ZNF496: variants seen among roughly 807,000 people sequenced by gnomAD.
The protein encoded by ZNF496 is NSD1 (nuclear receptor binding SET-domain containing 1)-interacting zinc finger protein 1.
In ZNF496, 11 loss-of-function variants were observed where a neutral mutation model predicts 58.9. The ratio of observed to expected loss-of-function variants is 0.19; its 90% CI spans 0.12 to 0.31. The LOEUF (loss-of-function observed/expected upper bound fraction) is 0.31, where lower values mean the gene tolerates loss of function less well. Among genes scored for constraint, ZNF496 ranks in the 10% least tolerant of loss-of-function variants. The pLI is 1.00. For missense variants in ZNF496, 660 were observed against 783.0 expected, an observed-to-expected ratio of 0.84 and a Z score of 1.88; for synonymous variants, 338 against 318.2, an observed-to-expected ratio of 1.06 and a Z score of -0.66.
At chr1:247,305,918 A>C (rs761161885) in intron 9 of ZNF496, among the ~76,000 whole-genome samples, 1 of 152,212 alleles carries the variant, frequency 6.6e-6, no homozygotes, top group Non-Finnish European at 1.5e-5. Context: ...CATCTTTAAA[A>C]AACAAAACAA....
Position 247,308,708 on chromosome 1 carries a change from G to A in ZNF496, c.893-120C>T. Reference sequence around the variant, plus strand: ...GGGGCGGCCCTGGGCTCCGTCCTGGGGACTGGCAGGGGGTGGCCACTCAAT... The same window carrying A: ...GGGGCGGCCCTGGGCTCCGTCCTGGAGACTGGCAGGGGGTGGCCACTCAAT... On this transcript the variant is annotated intron_variant, in intron 8 of 9. Transcript: ENST00000682384. This position sits in a 1 kb window ranked among gnomAD's most constrained non-coding sequence, Gnocchi z 4.5. 1 of 905,752 alleles carries A rather than the reference G, an allele frequency of 1.1e-6. No individual in the cohort carries two copies. The highest frequency in any genetic ancestry group is 1.7e-6 in the Non-Finnish European group (1 of 588,792). The allele number at this position is 905,752 out of a possible 1,614,324, so 56.1% of individuals were successfully genotyped here. A position where few individuals can be genotyped will look rare whatever the true frequency, so the allele number is the denominator to read the frequency against.
At chr1:247,326,866 G>T (rs1558158436) in intron 5 of ZNF496, among the ~76,000 whole-genome samples, 1 of 152,164 alleles carries the variant, frequency 6.6e-6, no homozygotes, top group African/African-American at 2.4e-5. Context: ...GACCCAGAGA[G>T]AGAAGGTGTC....
chr1:247,304,534 G>A (rs1659347659), intron 9 of ZNF496, among the ~76,000 whole-genome samples: 1 of 152,142 alleles, frequency 6.6e-6, no homozygotes, highest in East Asian at 1.9e-4. Flanking sequence ...ACCACGTCTG[G>A]CTAATTTTTG....
rs1558434212 is a variant in ZNF496 at position 247,299,910 on chromosome 1, G to C, written c.*609C>G. The C allele has an allele frequency of 6.6e-6, 1 of 152,258 alleles. No individual in the cohort carries two copies. Among genetic ancestry groups the C allele is most frequent in the Non-Finnish European group, 1.5e-5 (1 of 68,072 alleles). 9.4% of individuals were successfully genotyped at this position (152,258 alleles called of 1,614,324 possible). A position where few individuals can be genotyped will look rare whatever the true frequency, so the allele number is the denominator to read the frequency against. On this transcript the variant is annotated 3_prime_UTR_variant, in exon 10 of 10. Transcript: ENST00000682384. ...AGAGGCCAGCCCAAAAGGGCTGCCT[G>C]ATCATCTTGGATCTGCGGGGTGCTC... is the stretch of plus-strand genomic sequence containing the variant.
At position 247,309,888 on chromosome 1, in the gene ZNF496, C is replaced by T. The variant is rs555102215; in HGVS notation, c.785-82G>A. ...CAGGGCTGGTCCAGAAGAGAGAAGG[C>T]GGAGGGATGCCCAGCGGGCATGGCA... is the stretch of plus-strand genomic sequence containing the variant. On this transcript the variant is annotated intron_variant, in intron 7 of 9. Coordinates refer to ENST00000682384, the MANE Select transcript of ZNF496 (RefSeq NM_032752.3). This position sits in a 1 kb window ranked among gnomAD's most constrained non-coding sequence, Gnocchi z 4.3. 3.1e-4 allele frequency: 471 copies of T among 1,511,630 alleles called. 11 individuals carry two copies. The South Asian group carries it at 5.3e-3, about 17-fold the overall frequency. The allele number at this position is 1,511,630 out of a possible 1,614,324, so 93.6% of individuals were successfully genotyped here. A position where few individuals can be genotyped will look rare whatever the true frequency, so the allele number is the denominator to read the frequency against.
At position 247,329,527 on chromosome 1, in the gene ZNF496, GCTC is replaced by G; in HGVS notation, c.49_51del (p.Glu17del). On this transcript the variant is annotated inframe_deletion, in exon 4 of 10. Transcript: ENST00000682384. The surrounding 1 kb of genome is among the most constrained non-coding windows in gnomAD (Gnocchi z 5.5). ...CCAGGTGGGCTCCTCATTTTCCTGGGCTCCTCACTTTCCTTCGGAGCCAAGACT... is the reference window on the plus strand; with the variant it reads ...CCAGGTGGGCTCCTCATTTTCCTGGGCTCACTTTCCTTCGGAGCCAAGACT... The G allele has an allele frequency of 6.3e-7, 1 of 1,578,912 alleles. No homozygotes were observed. Among genetic ancestry groups the G allele is most frequent in the Non-Finnish European group, 8.6e-7 (1 of 1,167,894 alleles).
intron 6 of ZNF496, chr1:247,322,634 G>A (rs1402031459): frequency 6.8e-5 from 76 of 1,110,656 alleles, no homozygotes; most frequent in Non-Finnish European, 8.5e-5. Context: ...CAGAGCACCC[G>A]AGTAAGCAAG....
At position 247,297,873 on chromosome 1, in the gene ZNF496, G is replaced by C. The variant is rs1252709180; in HGVS notation, c.*2646C>G. On this transcript the variant is annotated 3_prime_UTR_variant, in exon 10 of 10. Transcript: ENST00000682384. ...TGGGGACTCAAGAGACAGCCTCCCT[G>C]TGGCTTCCAGCCCCTCACATTCCCT... is the stretch of plus-strand genomic sequence containing the variant. The C allele has an allele frequency of 6.6e-6, 1 of 152,242 alleles. No individual in the cohort carries two copies. The highest frequency in any genetic ancestry group is 1.5e-5 in the Non-Finnish European group (1 of 68,060). The allele number at this position is 152,242 out of a possible 1,614,324, so 9.4% of individuals were successfully genotyped here.
At chr1:247,314,756 CTTTTT>C (rs951335293) in intron 6 of ZNF496, among the ~76,000 whole-genome samples, 1 of 151,846 alleles carries the variant, frequency 6.6e-6, no homozygotes, top group Non-Finnish European at 1.5e-5. Context: ...CTTTCTTTCT[CTTTTT>C]TTTGAGATCG....
chr1:247,321,048 T>C (rs1659946985), intron 6 of ZNF496, among the ~76,000 whole-genome samples: 1 of 151,980 alleles, frequency 6.6e-6, no homozygotes, highest in Non-Finnish European at 1.5e-5. Context: ...TGGTTGCGGG[T>C]GCCTGTAATC....
At position 247,308,387 on chromosome 1, in the gene ZNF496, T is replaced by C; in HGVS notation, c.1006+88A>G. 8.3e-7 allele frequency: 1 copy of C among 1,200,576 alleles called. No individual in the cohort carries two copies. Among genetic ancestry groups the C allele is most frequent in the Non-Finnish European group, 1.2e-6 (1 of 812,504 alleles). 74.4% of individuals were successfully genotyped at this position (1,200,576 alleles called of 1,614,324 possible). On this transcript the variant is annotated intron_variant, in intron 9 of 9. Transcript: ENST00000682384. The surrounding 1 kb of genome is among the most constrained non-coding windows in gnomAD (Gnocchi z 4.5). ...CGCACACATGCATTCAACACAACCATCCCCTATGCCACACATGCATACATA... is the reference window on the plus strand; with the variant it reads ...CGCACACATGCATTCAACACAACCACCCCCTATGCCACACATGCATACATA...
chr1:247,311,430 GACACACACAC>G (rs71820609), intron 6 of ZNF496: 44,188 of 139,360 alleles, frequency 0.32, 8,248 homozygotes, highest in East Asian at 0.52. Flanking sequence ...CACACACAGA[GACACACACAC>G]ACACACACAC....
intron 6 of ZNF496, chr1:247,310,799 C>T (rs913642186): frequency 9.6e-6 from 2 of 207,940 alleles, no homozygotes; most frequent in Non-Finnish European, 1.9e-5. Flanking sequence ...TCTCCACTTC[C>T]TAATACCATC....
At chr1:247,322,530 T>C (rs1006679883) in intron 6 of ZNF496, among the ~76,000 whole-genome samples, 1 of 152,156 alleles carries the variant, frequency 6.6e-6, no homozygotes, top group Admixed American at 6.5e-5. Context: ...GAAGGAGATA[T>C]GGCCAGAAAA....
At position 247,310,495 on chromosome 1, in the gene ZNF496, C is replaced by G. The variant is rs368612027; in HGVS notation, c.652-39G>C. ...AGAACAGGGATGCCTCAGTCCGGGA[C>G]GAGCTAGGTGTCTCAGTCTTAGTCC... On this transcript the variant is annotated intron_variant, in intron 6 of 9. Coordinates refer to ENST00000682384, the MANE Select transcript of ZNF496 (RefSeq NM_032752.3). 12 of 1,611,968 alleles carry G rather than the reference C, an allele frequency of 7.4e-6. No individual in the cohort carries two copies. In the Middle Eastern group the frequency reaches 8.3e-4, roughly 111 times the overall value.
intron 6 of ZNF496, among the ~76,000 whole-genome samples, chr1:247,314,248 G>A (rs1659702199): frequency 1.3e-5 from 2 of 151,928 alleles, no homozygotes; most frequent in Non-Finnish European, 2.9e-5. Flanking sequence ...GTAAAGATGA[G>A]GTCTTGCTAT....
chr1:247,300,744 C>T lies in ZNF496; in HGVS notation c.1539G>A (p.Leu513=). Residue 513 remains leucine (L), a synonymous_variant, in exon 10 of 10, where the codon CTG becomes CTA. Transcript: ENST00000682384. This position sits in a 1 kb window ranked among gnomAD's most constrained non-coding sequence, Gnocchi z 5.7. The part of the protein sequence containing the change: ...EDADKGPKEP[L]ENGKAKLSFQ... Reference sequence around the variant, plus strand: ...AGCTCAGTTTGGCCTTGCCGTTTTCCAGCGGCTCTTTGGGACCCTTGTCCG... The same window carrying T: ...AGCTCAGTTTGGCCTTGCCGTTTTCTAGCGGCTCTTTGGGACCCTTGTCCG... 3 of 1,611,370 alleles carry T rather than the reference C, an allele frequency of 1.9e-6. No homozygotes were observed. Among genetic ancestry groups the T allele is most frequent in the Non-Finnish European group, 2.5e-6 (3 of 1,177,952 alleles).
chr1:247,302,792 T>C (rs891813854), intron 9 of ZNF496, among the ~76,000 whole-genome samples: 1 of 152,158 alleles, frequency 6.6e-6, no homozygotes, highest in Admixed American at 6.5e-5. Flanking sequence ...GTGGGGCAGG[T>C]GAGGTCATGT....
chr1:247,321,742 T>G (rs1659971526), intron 6 of ZNF496, among the ~76,000 whole-genome samples: 1 of 152,230 alleles, frequency 6.6e-6, no homozygotes, highest in Admixed American at 6.5e-5. Flanking sequence ...GGTACTGGAT[T>G]AACAGCATCC....
Sources: gnomAD v4.1 joint callset for allele counts (sites outside exome capture counted in the v4.1 genomes callset) on GRCh38, gnomAD v4.1.1 for gene constraint, Gnocchi (gnomAD v3.1) non-coding constraint, MANE v1.5 for transcripts, NCBI Gene and HGNC (gene_info 2026-07-23, HGNC 2026-07-21) for gene names.